FBXL7: variants seen among roughly 807,000 people sequenced by gnomAD.
FBXL7 encodes F-box/LRR-repeat protein 7.
In FBXL7, 12 loss-of-function variants were observed where a neutral mutation model predicts 38.3. That is an observed-to-expected ratio of 0.31 (90% CI 0.20 to 0.51). The LOEUF (loss-of-function observed/expected upper bound fraction) is 0.51. Among genes scored for constraint, FBXL7 ranks in the 20% least tolerant of loss-of-function variants. FBXL7 has a pLI of 0.98. For missense variants in FBXL7, 567 were observed against 676.4 expected, an observed-to-expected ratio of 0.84 and a Z score of 1.79; for synonymous variants, 297 against 300.9, an observed-to-expected ratio of 0.99 and a Z score of 0.13.
At chr5:15,603,761 G>A (rs1029568038) in intron 1 of FBXL7, among the ~76,000 whole-genome samples, 2 of 152,224 alleles carry the variant, frequency 1.3e-5, no homozygotes, top group Non-Finnish European at 1.5e-5. Context: ...TGTAAAGAAA[G>A]TACCAGTTAG....
chr5:15,715,320 G>A (rs543962542), intron 2 of FBXL7, among the ~76,000 whole-genome samples: 3 of 151,836 alleles, frequency 2.0e-5, no homozygotes, highest in Admixed American at 6.6e-5. Flanking sequence ...GTGAAACCCC[G>A]TCTCTACCAA....
intron 1 of FBXL7, 28 bp downstream of exon 1, chr5:15,500,741 C>T (rs749664668): frequency 4.4e-6 from 7 of 1,601,982 alleles, no homozygotes; most frequent in South Asian, 1.1e-5. Flanking sequence ...CCTCAGACTC[C>T]CGGATCGCGT....
chr5:15,510,780 T>C (rs1408165757), intron 1 of FBXL7, among the ~76,000 whole-genome samples: 1 of 152,246 alleles, frequency 6.6e-6, no homozygotes, highest in Non-Finnish European at 1.5e-5. Context: ...ATTTTAATAA[T>C]TATAGCTAGC....
chr5:15,567,748 C>A (rs2126446451), intron 1 of FBXL7, among the ~76,000 whole-genome samples: 1 of 151,870 alleles, frequency 6.6e-6, no homozygotes, highest in South Asian at 2.1e-4. Flanking sequence ...CCTCCCCCCT[C>A]ACCCCACCCC....
chr5:15,702,169 C>T lies in FBXL7; in HGVS notation c.127+86097C>T, dbSNP rs370224065. Among the ~76,000 whole-genome samples, 31 of 149,642 alleles carry T rather than the reference C, an allele frequency of 2.1e-4. No individual in the cohort carries two copies. The East Asian group carries it at 3.4e-3, about 16-fold the overall frequency. On this transcript the variant is annotated intron_variant, in intron 2 of 3. Coordinates refer to ENST00000504595, the MANE Select transcript of FBXL7 (RefSeq NM_012304.5). ...AGGAAAATCGCTTGAACCCAGGAGG[C>T]GGAGGTTGCCATGATCCGAGATTGC... is the stretch of plus-strand genomic sequence containing the variant.
At chr5:15,746,887 T>A (rs1263373883) in intron 2 of FBXL7, among the ~76,000 whole-genome samples, 1 of 149,496 alleles carries the variant, frequency 6.7e-6, no homozygotes, top group African/African-American at 2.4e-5. Flanking sequence ...GAGTGCCACT[T>A]TTTTTTTTGC....
chr5:15,852,501 CT>C (rs1327527156), intron 2 of FBXL7, among the ~76,000 whole-genome samples: 6 of 152,120 alleles, frequency 3.9e-5, no homozygotes, highest in Non-Finnish European at 7.4e-5. Context: ...ATCTGTTTTT[CT>C]TAGTGTTTCT....
chr5:15,912,480 G>A (rs974417795), intron 2 of FBXL7, among the ~76,000 whole-genome samples: 18 of 148,952 alleles, frequency 1.2e-4, no homozygotes, highest in Middle Eastern at 3.4e-3. Context: ...GAAATCACCC[G>A]TCTTCTGCGT....
chr5:15,931,766 C>T (rs891654759), intron 3 of FBXL7, among the ~76,000 whole-genome samples: 5 of 152,178 alleles, frequency 3.3e-5, no homozygotes, highest in African/African-American at 9.7e-5. Flanking sequence ...TCTGTGCATA[C>T]GATGATGTGT....
intron 3 of FBXL7, among the ~76,000 whole-genome samples, chr5:15,935,574 C>T (rs981274169): frequency 2.0e-5 from 3 of 151,696 alleles, no homozygotes; most frequent in Non-Finnish European, 2.9e-5. Context: ...TTTTCCAAGA[C>T]GCCTCTGGCA....
intron 2 of FBXL7, among the ~76,000 whole-genome samples, chr5:15,680,216 A>C (rs1742798882): frequency 6.6e-6 from 1 of 152,190 alleles, no homozygotes; most frequent in African/African-American, 2.4e-5. Context: ...TTTTATTTTC[A>C]ATTTTCAGAA....
intron 2 of FBXL7, among the ~76,000 whole-genome samples, chr5:15,878,745 G>C (rs1740317662): frequency 1.3e-5 from 2 of 152,184 alleles, no homozygotes; most frequent in South Asian, 4.1e-4. Context: ...CAGCCAGGCT[G>C]AGTTTTCTGT....
At chr5:15,834,930 C>A (rs1475866719) in intron 2 of FBXL7, among the ~76,000 whole-genome samples, 2 of 152,194 alleles carry the variant, frequency 1.3e-5, no homozygotes, top group Admixed American at 1.3e-4. Flanking sequence ...TCATTGGTTG[C>A]TGAATTGCTT....
At chr5:15,803,694 G>T (rs1030942892) in intron 2 of FBXL7, among the ~76,000 whole-genome samples, 7 of 152,008 alleles carry the variant, frequency 4.6e-5, no homozygotes, top group Admixed American at 2.0e-4. Context: ...TTCTCCAAAG[G>T]CTTGATTATT....
chr5:15,913,257 T>A (rs936926343), intron 2 of FBXL7, among the ~76,000 whole-genome samples: 1 of 78,304 alleles, frequency 1.3e-5, no homozygotes, highest in African/African-American at 5.2e-5. Context: ...TTTTTAATGT[T>A]TTTTTTTATT....
intron 2 of FBXL7, among the ~76,000 whole-genome samples, chr5:15,751,783 G>C (rs1736162271): frequency 6.6e-6 from 1 of 152,146 alleles, no homozygotes; most frequent in South Asian, 2.1e-4. Context: ...TGGAGGATTT[G>C]CTCTCATTAC....
Position 15,928,591 on chromosome 5 carries a change from C to A in FBXL7, c.739+90C>A. 6.7e-7 allele frequency: 1 copy of A among 1,490,168 alleles called. No homozygotes were observed. Among genetic ancestry groups the A allele is most frequent in the Non-Finnish European group, 9.0e-7 (1 of 1,115,562 alleles). 92.3% of individuals were successfully genotyped at this position (1,490,168 alleles called of 1,614,324 possible). On this transcript the variant is annotated intron_variant, in intron 3 of 3. Transcript: ENST00000504595. The surrounding 1 kb of genome is among the most constrained non-coding windows in gnomAD (Gnocchi z 4.0). ...AGTGCCACCACCGGAGGGTCCTCTTCTTGCAAGCCATCAGAGATGGGGGCG... is the reference window on the plus strand; with the variant it reads ...AGTGCCACCACCGGAGGGTCCTCTTATTGCAAGCCATCAGAGATGGGGGCG...
chr5:15,886,721 G>A (rs1257014806), intron 2 of FBXL7, among the ~76,000 whole-genome samples: 1 of 152,160 alleles, frequency 6.6e-6, no homozygotes, highest in Non-Finnish European at 1.5e-5. Context: ...AGTGTACACG[G>A]AGCCAAGGAG....
chr5:15,773,398 CT>C (rs1187077762), intron 2 of FBXL7, among the ~76,000 whole-genome samples: 1 of 152,076 alleles, frequency 6.6e-6, no homozygotes, highest in Non-Finnish European at 1.5e-5. Flanking sequence ...AATCCCAGCA[CT>C]TTGGGAGGCC....
Sources: gnomAD v4.1 joint callset for allele counts (sites outside exome capture counted in the v4.1 genomes callset) on GRCh38, gnomAD v4.1.1 for gene constraint, Gnocchi (gnomAD v3.1) non-coding constraint, MANE v1.5 for transcripts, NCBI Gene and HGNC (gene_info 2026-07-23, HGNC 2026-07-21) for gene names.